Variants in OSGEP observed in about 807,000 individuals in gnomAD.
OSGEP encodes the protein tRNA N6-adenosine threonylcarbamoyltransferase.
OSGEP carries 39 observed loss-of-function variants against 44.1 expected under a neutral mutation model. The ratio of observed to expected loss-of-function variants is 0.88; its 90% CI spans 0.69 to 1.16. The LOEUF (loss-of-function observed/expected upper bound fraction) is 1.16. OSGEP is among the 50% of genes most tolerant of loss of function. The probability of loss-of-function intolerance (pLI) is 0.00; values close to 1 mark genes in which losing one functional copy is unlikely to be tolerated. For missense variants in OSGEP, 403 were observed against 443.1 expected (o/e 0.91, Z 0.81); for synonymous variants, 139 against 161.9 (o/e 0.86, Z 1.07).
In OSGEP at chr14:20,452,391, T is replaced by C; in HGVS notation, c.173A>G (p.Gln58Arg). The C allele has an allele frequency of 6.2e-7, 1 of 1,613,878 alleles. No homozygotes were observed. Among genetic ancestry groups the C allele is most frequent in the Non-Finnish European group, 8.5e-7 (1 of 1,179,778 alleles). Residue 58 changes from glutamine (Q) to arginine (R), a missense_variant, in exon 2 of 11, where the codon CAG (glutamine) becomes CGG (arginine). Coordinates refer to ENST00000206542, the MANE Select transcript of OSGEP (RefSeq NM_017807.4). ...TAATCCAGACTCTGTTAGTGCCTCC[T>C]GCAGCAGGTCTAGGATAACAGCTCG... Reference protein sequence around the residue: ...HHRAVILDLLQEALTESGLTS... With the variant: ...HHRAVILDLLREALTESGLTS...
Position 20,449,214 on chromosome 14 carries a change from A to G in OSGEP, c.464T>C (p.Ile155Thr). The G allele has an allele frequency of 1.9e-6, 3 of 1,613,560 alleles. No individual in the cohort carries two copies. The highest frequency in any genetic ancestry group is 1.3e-5 in the African/African-American group (1 of 75,030). Residue 155 changes from isoleucine (I) to threonine (T), a missense_variant, in exon 4 of 11, where the codon ATT becomes ACT. Transcript: ENST00000206542. ...ACGATCCAGACAATTACCCACTGCA[A>G]TATCGATGGTTTCCCCAAAGATACG... ...RYRIFGETID[I>T]AVGNCLDRFA...
At chr14:20,447,832 G>T in intron 8 of OSGEP, 72 bp downstream of exon 8, 1 of 1,280,416 alleles carries the variant, frequency 7.8e-7, no homozygotes, top group East Asian at 2.3e-5. Context: ...AACGCTTAAT[G>T]ATTTAGAGTA....
rs1566509601 is a variant in OSGEP at position 20,452,045 on chromosome 14, T to C, written c.340A>G (p.Ile114Val). The change falls in exon 3 of 11, where the codon ATT (isoleucine) becomes GTT (valine). Residue 114 changes from isoleucine to valine, a missense_variant. Ile to Val is a conservative substitution (Grantham distance 29, BLOSUM62 3). Coordinates refer to ENST00000206542, the MANE Select transcript of OSGEP (RefSeq NM_017807.4). ...CCAGTGATGAGGCGGCCCATCTCAA[T>C]GTGGCCTATACAGTGGTTCACACCC... ...LVGVNHCIGHIEMGRLITGAT... is the reference protein window; with the variant it reads ...LVGVNHCIGHVEMGRLITGAT... 2 of 1,613,480 alleles carry C rather than the reference T, an allele frequency of 1.2e-6. No individual in the cohort carries two copies. The highest frequency in any genetic ancestry group is 1.3e-5 in the African/African-American group (1 of 74,910).
intron 3 of OSGEP, chr14:20,450,219 T>C (rs1881060372): frequency 1.3e-5 from 2 of 152,134 alleles, no homozygotes; most frequent in Non-Finnish European, 2.9e-5. Flanking sequence ...ATTAAGGCCG[T>C]TCTTCATATG....
intron 1 of OSGEP, among the ~76,000 whole-genome samples, chr14:20,454,177 T>G (rs1315750690): frequency 6.6e-6 from 1 of 152,124 alleles, no homozygotes. Flanking sequence ...AAAATAATTT[T>G]TTTTTAAAAA....
At position 20,452,376 on chromosome 14, in the gene OSGEP, T is replaced by C. The variant is rs142492576; in HGVS notation, c.188A>G (p.Glu63Gly). The C allele has an allele frequency of 6.2e-7, 1 of 1,613,892 alleles. No individual in the cohort carries two copies. The highest frequency in any genetic ancestry group is 1.3e-5 in the African/African-American group (1 of 74,910). The part of the protein sequence containing the change: ...ILDLLQEALT[E>G]SGLTSQDIDC... ...GATATCCTGGGAGGTTAATCCAGAC[T>C]CTGTTAGTGCCTCCTGCAGCAGGTC... is the stretch of plus-strand genomic sequence containing the variant. Residue 63 changes from glutamate to glycine, a missense_variant, in exon 2 of 11, where the codon GAG (glutamate) becomes GGG (glycine). Glu to Gly is a moderately conservative substitution (Grantham distance 98). Transcript: ENST00000206542.
chr14:20,454,514 G>T, intron 1 of OSGEP, 55 bp downstream of exon 1: 1 of 1,175,138 alleles, frequency 8.5e-7, no homozygotes, highest in Non-Finnish European at 1.3e-6. Flanking sequence ...AAGATGGAAG[G>T]CTGATTCTGT....
rs1267476774 is a variant in OSGEP at position 20,451,865 on chromosome 14, A to C, written c.411+109T>G. The C allele has an allele frequency of 1.1e-5, 11 of 1,034,918 alleles. No individual in the cohort carries two copies. In the African/African-American group the frequency reaches 1.3e-4, roughly 12 times the overall value. 64.1% of individuals were successfully genotyped at this position (1,034,918 alleles called of 1,614,324 possible). A position where few individuals can be genotyped will look rare whatever the true frequency, so the allele number is the denominator to read the frequency against. ...TTCTGGTCTACAGTATTTTAGGTTCAGATAAGTCCATCTTTGTTCCTGACA... is the reference window on the plus strand; with the variant it reads ...TTCTGGTCTACAGTATTTTAGGTTCCGATAAGTCCATCTTTGTTCCTGACA... On this transcript the variant is annotated intron_variant, in intron 3 of 10. Coordinates refer to ENST00000206542, the MANE Select transcript of OSGEP (RefSeq NM_017807.4).
In OSGEP at chr14:20,449,252, C is replaced by T. The variant is rs540674653; in HGVS notation, c.426G>A (p.Ser142=). The change falls in exon 4 of 11, where the codon TCG becomes TCA. Residue 142 remains serine (S), a synonymous_variant. Coordinates refer to ENST00000206542, the MANE Select transcript of OSGEP (RefSeq NM_017807.4). The stretch of plus-strand genomic sequence containing the variant: ...CCCCAAAGATACGGTAACGATGTTC[C>T]GAGTATGCAATCACCTAAGGGTGAT... ...SGGNTQVIAY[S]EHRYRIFGET... 78 of 1,606,290 alleles carry T rather than the reference C, an allele frequency of 4.9e-5. No homozygotes were observed. The highest frequency in any genetic ancestry group is 3.5e-4 in the Admixed American group (21 of 59,990).
chr14:20,447,375 T>A (rs1880973206), intron 10 of OSGEP, 47 bp downstream of exon 10: 1 of 1,604,334 alleles, frequency 6.2e-7, no homozygotes, highest in East Asian at 2.2e-5. Flanking sequence ...CTGCTGTTTT[T>A]GTCTATGTCC....
In OSGEP at chr14:20,448,631, TA is replaced by T. The variant is rs1881019699; in HGVS notation, c.636+101del. 3.8e-6 allele frequency: 3 copies of T among 799,538 alleles called. No homozygotes were observed. The African/African-American group carries it at 5.1e-5, about 14-fold the overall frequency. The allele number at this position is 799,538 out of a possible 1,614,324, so 49.5% of individuals were successfully genotyped here. A position where few individuals can be genotyped will look rare whatever the true frequency, so the allele number is the denominator to read the frequency against. On this transcript the variant is annotated intron_variant, in intron 6 of 10. Coordinates refer to ENST00000206542, the MANE Select transcript of OSGEP (RefSeq NM_017807.4). ...CACATGATATGGACCAGTACTGTGC[TA>T]CATGAATATACTGAGCTATACGAAA...
In OSGEP at chr14:20,454,790, C is replaced by G. The variant is rs1594411042; in HGVS notation, c.-107G>C. 1.3e-6 allele frequency: 1 copy of G among 777,264 alleles called. No individual in the cohort carries two copies. The highest frequency in any genetic ancestry group is 1.7e-5 in the African/African-American group (1 of 57,584). The allele number at this position is 777,264 out of a possible 1,614,324, so 48.1% of individuals were successfully genotyped here. A position where few individuals can be genotyped will look rare whatever the true frequency, so the allele number is the denominator to read the frequency against. ...GCAGCTTTCCGGAGCGCAGAGGAAG[C>G]TGGCCAGCCTGCAGATAGCACTGGG... On this transcript the variant is annotated 5_prime_UTR_variant, in exon 1 of 11. Transcript: ENST00000206542.
rs758280380 is a variant in OSGEP, at chr14:20,447,901, T to TAC, written c.793+1_793+2dup. 35 of 1,593,742 alleles carry TAC rather than the reference T, an allele frequency of 2.2e-5. No individual in the cohort carries two copies. Among genetic ancestry groups the TAC allele is most frequent in the Non-Finnish European group, 4.3e-6 (5 of 1,161,454 alleles). On this transcript the variant is annotated splice_region_variant and intron_variant, in intron 8 of 10. Transcript: ENST00000206542. ...AAGAGGAACACTTTTCAATAATACA[T>TAC]ACACCCCACTCCTCCCACAATGAGG...
chr14:20,454,364 G>A (rs1438532276), intron 1 of OSGEP, among the ~76,000 whole-genome samples: 1 of 152,090 alleles, frequency 6.6e-6, no homozygotes, highest in East Asian at 1.9e-4. Context: ...CATAAAATGC[G>A]CTCAGTAAAA....
intron 3 of OSGEP, 75 bp from the exon 4 acceptor site, chr14:20,449,341 C>T (rs1015350399): frequency 7.8e-6 from 7 of 894,440 alleles, no homozygotes; most frequent in Non-Finnish European, 1.3e-5. Flanking sequence ...AAAAACATAG[C>T]AGAGGATCAA....
In OSGEP at chr14:20,448,790, C is replaced by A; in HGVS notation, c.579G>T (p.Leu193=). 7 of 1,612,846 alleles carry A rather than the reference C, an allele frequency of 4.3e-6. No individual in the cohort carries two copies. Among genetic ancestry groups the A allele is most frequent in the Non-Finnish European group, 5.9e-6 (7 of 1,178,856 alleles). ...CGTCCATCCCCTTTACAGTGTATGG[C>A]AGCTCAACTAGCTTCTTGCCTCTAT... ...MAKRGKKLVE[L]PYTVKGMDVS... is the part of the protein sequence containing the mutation. The change falls in exon 6 of 11, where the codon CTG becomes CTT. Residue 193 remains leucine, a synonymous_variant. Transcript: ENST00000206542.
Position 20,448,903 on chromosome 14 carries a change from G to A in OSGEP, c.557+61C>T, listed in dbSNP as rs151018807. 8.8e-5 allele frequency: 140 copies of A among 1,589,730 alleles called. No homozygotes were observed. In the African/African-American group the frequency reaches 1.3e-3, roughly 14 times the overall value. Reference sequence around the variant, plus strand: ...GTCCCAAATTTTGTTAATATATACCGTATATGGGGAAATCCCTGAAGCCCC... The same window carrying A: ...GTCCCAAATTTTGTTAATATATACCATATATGGGGAAATCCCTGAAGCCCC... On this transcript the variant is annotated intron_variant, in intron 5 of 10. Transcript: ENST00000206542.
At chr14:20,452,745 C>G (rs1283168880) in intron 1 of OSGEP, among the ~76,000 whole-genome samples, 3 of 147,350 alleles carry the variant, frequency 2.0e-5, no homozygotes, top group African/African-American at 7.5e-5. Flanking sequence ...AGTCTCAGCT[C>G]TGTCACCCAG....
At chr14:20,447,361 T>C (rs373485832) in intron 10 of OSGEP, 61 bp downstream of exon 10, 7 of 1,600,886 alleles carry the variant, frequency 4.4e-6, no homozygotes, top group Non-Finnish European at 6.0e-6. Flanking sequence ...TCCTGGACTC[T>C]TCCCTGCTGT....
Sources: gnomAD v4.1 joint callset for allele counts (sites outside exome capture counted in the v4.1 genomes callset) on GRCh38, gnomAD v4.1.1 for gene constraint, MANE v1.5 for transcripts, NCBI Gene and HGNC (gene_info 2026-07-23, HGNC 2026-07-21) for gene names.